SYN3: variants seen among roughly 807,000 people sequenced by gnomAD.
The protein encoded by SYN3 is synapsin III, also known as synapsin-3.
SYN3 carries 35 observed loss-of-function variants against 65.8 expected under a neutral mutation model. The observed-to-expected ratio is 0.53, with a 90% CI of 0.41 to 0.70. The LOEUF is 0.70. Ranked by LOEUF, SYN3 falls within the 30% of genes least tolerant of loss-of-function variation. The probability of loss-of-function intolerance (pLI) is 0.00; values close to 1 mark genes in which losing one functional copy is unlikely to be tolerated. For synonymous variants in SYN3, 270 were observed against 292.9 expected (o/e 0.92, Z 0.80); for missense variants, 680 against 749.0 (o/e 0.91, Z 1.08).
At chr22:33,006,280 C>T in intron 2 of SYN3, 72 bp downstream of exon 2, 1 of 1,478,104 alleles carries the variant, frequency 6.8e-7, no homozygotes. Context: ...CCTTCTATTT[C>T]CCCAGGAGAT....
chr22:32,650,239 C>A (rs1308619125), intron 6 of SYN3, among the ~76,000 whole-genome samples: 3 of 97,758 alleles, frequency 3.1e-5, no homozygotes, highest in Non-Finnish European at 5.4e-5. Context: ...CTCTCCCTCC[C>A]TCCCTCCCTC....
chr22:32,671,390 G>T (rs370649282), intron 6 of SYN3, among the ~76,000 whole-genome samples: 1 of 151,326 alleles, frequency 6.6e-6, no homozygotes, highest in Non-Finnish European at 1.5e-5. Flanking sequence ...ACACTCACCC[G>T]CATCCTCTCA....
chr22:32,976,072 T>C (rs1201825103), intron 3 of SYN3, among the ~76,000 whole-genome samples: 2 of 152,212 alleles, frequency 1.3e-5, no homozygotes, highest in African/African-American at 4.8e-5. Flanking sequence ...TAAAATATTT[T>C]AAGGGGAATA....
intron 1 of SYN3, among the ~76,000 whole-genome samples, chr22:33,013,524 A>C (rs1411557912): frequency 3.9e-5 from 6 of 152,232 alleles, no homozygotes; most frequent in Non-Finnish European, 8.8e-5. Context: ...GCTAATTAAC[A>C]AATCTATCAT....
At chr22:32,594,779 C>T (rs189797598) in intron 7 of SYN3, among the ~76,000 whole-genome samples, 158 of 152,220 alleles carry the variant, frequency 1.0e-3, no homozygotes, top group African/African-American at 3.6e-3. Flanking sequence ...TGAGCCACCA[C>T]GCCCAGCTGA....
intron 4 of SYN3, among the ~76,000 whole-genome samples, chr22:32,930,365 C>G (rs2050594307): frequency 2.0e-5 from 3 of 152,128 alleles, no homozygotes. Flanking sequence ...GTAAGATATG[C>G]CTTTCACCTT....
chr22:32,698,300 T>C (rs1454210656), intron 6 of SYN3, among the ~76,000 whole-genome samples: 5 of 151,600 alleles, frequency 3.3e-5, no homozygotes, highest in Non-Finnish European at 7.4e-5. Context: ...TGAATCTCTA[T>C]TGATCATGGT....
At chr22:33,051,261 T>C (rs935885714) in intron 1 of SYN3, among the ~76,000 whole-genome samples, 1 of 152,188 alleles carries the variant, frequency 6.6e-6, no homozygotes, top group Non-Finnish European at 1.5e-5. Context: ...CCATCACTTA[T>C]AACCCAATTC....
chr22:32,730,689 G>A (rs1412984153), intron 6 of SYN3, among the ~76,000 whole-genome samples: 2 of 152,212 alleles, frequency 1.3e-5, no homozygotes, highest in African/African-American at 4.8e-5. Flanking sequence ...CAGAAACTGT[G>A]AGGTAATAAG....
chr22:32,990,330 A>G (rs1276823038), intron 2 of SYN3, among the ~76,000 whole-genome samples: 2 of 151,398 alleles, frequency 1.3e-5, no homozygotes, highest in East Asian at 3.9e-4. Context: ...CCATCCATCC[A>G]TCCATCCATC....
chr22:32,720,928 C>T (rs536682443), intron 6 of SYN3, among the ~76,000 whole-genome samples: 3 of 152,156 alleles, frequency 2.0e-5, no homozygotes, highest in Admixed American at 6.5e-5. Context: ...CTTCCCCTGC[C>T]GTTGAAATAG....
intron 6 of SYN3, among the ~76,000 whole-genome samples, chr22:32,795,486 G>A (rs868142665): frequency 2.0e-5 from 3 of 152,220 alleles, no homozygotes; most frequent in South Asian, 2.1e-4. Flanking sequence ...CCTGGAGTCC[G>A]AGGAGGCCAT....
intron 6 of SYN3, among the ~76,000 whole-genome samples, chr22:32,812,059 G>A (rs1201915856): frequency 6.6e-6 from 1 of 152,212 alleles, no homozygotes; most frequent in Non-Finnish European, 1.5e-5. Flanking sequence ...TTCATCATCT[G>A]ACTCTGGAGT....
intron 3 of SYN3, among the ~76,000 whole-genome samples, chr22:32,969,135 A>G (rs1218193671): frequency 6.6e-6 from 1 of 152,228 alleles, no homozygotes; most frequent in Non-Finnish European, 1.5e-5. Flanking sequence ...GCTAAAGGCC[A>G]AGGAACTGAG....
At chr22:32,612,839 CTAAATAAA>C (rs564903924) in intron 6 of SYN3, among the ~76,000 whole-genome samples, 5 of 151,770 alleles carry the variant, frequency 3.3e-5, no homozygotes, top group African/African-American at 7.3e-5. Flanking sequence ...ACCCTGTGTC[CTAAATAAA>C]TAAATAAATA....
rs759464712 is a variant in SYN3 at position 32,667,798 on chromosome 22, C to CT, written c.712-71063dup. 2.8e-3 allele frequency among the ~76,000 whole-genome samples: 392 copies of CT among 139,142 alleles called. 1 individual carries two copies. Among genetic ancestry groups the CT allele is most frequent in the Middle Eastern group, 7.6e-3 (2 of 264 alleles). 91.3% of individuals were successfully genotyped at this position (139,142 alleles called of 152,430 possible). A position where few individuals can be genotyped will look rare whatever the true frequency, so the allele number is the denominator to read the frequency against. ...GGAGATCACTTTTCTTTCTTTCTTT[C>CT]TTTTTTTTTTTTTTTTTGAGACGGA... On this transcript the variant is annotated intron_variant, in intron 6 of 13. Transcript: ENST00000358763.
At chr22:32,702,116 T>C (rs2060817522) in intron 6 of SYN3, among the ~76,000 whole-genome samples, 1 of 152,314 alleles carries the variant, frequency 6.6e-6, no homozygotes, top group South Asian at 2.1e-4. Flanking sequence ...TTCTGAAGCG[T>C]AGAGACTTAG....
intron 7 of SYN3, among the ~76,000 whole-genome samples, chr22:32,559,929 T>C (rs768168176): frequency 3.9e-5 from 6 of 152,202 alleles, no homozygotes; most frequent in Non-Finnish European, 8.8e-5. Flanking sequence ...CTCAAGCCTG[T>C]GCACTAAGAG....
intron 6 of SYN3, among the ~76,000 whole-genome samples, chr22:32,788,253 T>A (rs2046240752): frequency 6.7e-6 from 1 of 148,992 alleles, no homozygotes. Flanking sequence ...AAAAAAAACA[T>A]GAATTTGGCT....
Sources: gnomAD v4.1 joint callset for allele counts (sites outside exome capture counted in the v4.1 genomes callset) on GRCh38, gnomAD v4.1.1 for gene constraint, MANE v1.5 for transcripts, NCBI Gene and HGNC (gene_info 2026-07-23, HGNC 2026-07-21) for gene names.